BRDT: variants seen among roughly 807,000 people sequenced by gnomAD.
The protein encoded by BRDT is bromodomain testis-specific protein.
Under a neutral mutation model 113.9 loss-of-function variants are expected in BRDT, and 77 were observed. The ratio of observed to expected loss-of-function variants is 0.68; its 90% CI spans 0.56 to 0.82. BRDT has a LOEUF of 0.82. Among genes scored for constraint, BRDT ranks in the 40% least tolerant of loss-of-function variants. The probability of loss-of-function intolerance (pLI) is 0.00; values close to 1 mark genes in which losing one functional copy is unlikely to be tolerated. For synonymous variants in BRDT, 358 were observed against 366.5 expected (o/e 0.98, Z 0.26); for missense variants, 1,027 against 1,105.4 (o/e 0.93, Z 1.01).
chr1:91,984,639 A>T lies in BRDT; in HGVS notation c.2002+2884A>T, dbSNP rs1024511539. The stretch of plus-strand genomic sequence containing the variant: ...AAATATAAATATGAAAAAATAATTA[A>T]AAAAAATTTTTTTTGAGACAGGGTC... On this transcript the variant is annotated intron_variant, in intron 12 of 18. Transcript: ENST00000399546. Among the ~76,000 whole-genome samples, 70 of 152,246 alleles carry T rather than the reference A, an allele frequency of 4.6e-4. 1 individual carries two copies. The highest frequency in any genetic ancestry group is 1.4e-3 in the Admixed American group (22 of 15,296).
At position 91,976,533 on chromosome 1, in the gene BRDT, T is replaced by C. The variant is rs1684158483; in HGVS notation, c.618+95T>C. 2.2e-5 allele frequency: 27 copies of C among 1,217,170 alleles called. 1 individual carries two copies. The South Asian group carries it at 4.6e-4, about 21-fold the overall frequency. The allele number at this position is 1,217,170 out of a possible 1,614,324, so 75.4% of individuals were successfully genotyped here. On this transcript the variant is annotated intron_variant, in intron 5 of 18. Transcript: ENST00000399546. ...TTAGTCTTCAGCGTCTAGCAATTTTTCTTTTTTAATTCATTTAGCATCTAG... is the reference window on the plus strand; with the variant it reads ...TTAGTCTTCAGCGTCTAGCAATTTTCCTTTTTTAATTCATTTAGCATCTAG...
At chr1:91,999,849 A>G (rs1470330710) in intron 15 of BRDT, among the ~76,000 whole-genome samples, 1 of 152,202 alleles carries the variant, frequency 6.6e-6, no homozygotes, top group Admixed American at 6.5e-5. Context: ...ACAGCCATGT[A>G]AAAACTGAAT....
intron 7 of BRDT, 82 bp downstream of exon 7, chr1:91,978,378 A>G (rs1054479132): frequency 3.3e-6 from 5 of 1,506,910 alleles, no homozygotes; most frequent in Non-Finnish European, 4.5e-6. Context: ...GTAAGAGATA[A>G]AGAATAATAA....
At chr1:91,972,411 C>T (rs1683715405) in intron 4 of BRDT, among the ~76,000 whole-genome samples, 1 of 152,134 alleles carries the variant, frequency 6.6e-6, no homozygotes, top group Admixed American at 6.6e-5. Flanking sequence ...TATTTCCTTC[C>T]TAACACTTAG....
At position 91,951,280 on chromosome 1, in the gene BRDT, A is replaced by G. The variant is rs573643703; in HGVS notation, c.-38+1598A>G. 7.2e-5 allele frequency among the ~76,000 whole-genome samples: 11 copies of G among 152,326 alleles called. No homozygotes were observed. The East Asian group carries it at 7.7e-4, about 11-fold the overall frequency. On this transcript the variant is annotated intron_variant, in intron 1 of 18. Coordinates refer to ENST00000399546, the MANE Select transcript of BRDT (RefSeq NM_207189.4). ...CATGAAGGACAGTGAGTTGAACTGT[A>G]TGATCTTAAGCAACACCATTGCATA...
intron 18 of BRDT, among the ~76,000 whole-genome samples, chr1:92,013,925 C>T (rs1472416102): frequency 6.6e-6 from 1 of 152,104 alleles, no homozygotes; most frequent in Non-Finnish European, 1.5e-5. Flanking sequence ...ATTGAACTTT[C>T]TCTTTTACTT....
At chr1:91,988,912 C>T (rs563828883) in intron 12 of BRDT, among the ~76,000 whole-genome samples, 180 of 152,254 alleles carry the variant, frequency 1.2e-3, no homozygotes, top group African/African-American at 4.3e-3. Flanking sequence ...AATGCTGAGA[C>T]TTTTATGAGA....
intron 12 of BRDT, among the ~76,000 whole-genome samples, chr1:91,985,739 C>G (rs867377750): frequency 1.4e-5 from 2 of 148,056 alleles, no homozygotes; most frequent in Middle Eastern, 3.5e-3. Context: ...CCCGGGTTCA[C>G]GTTATTCTCC....
intron 12 of BRDT, among the ~76,000 whole-genome samples, chr1:91,984,267 C>G (rs1034727585): frequency 3.3e-5 from 5 of 152,032 alleles, no homozygotes; most frequent in Admixed American, 1.3e-4. Context: ...ATTTCAGTTG[C>G]AGCTGTTATT....
At chr1:92,004,704 T>C in intron 17 of BRDT, 85 bp downstream of exon 17, 3 of 1,240,076 alleles carry the variant, frequency 2.4e-6, no homozygotes, top group Admixed American at 2.9e-5. Context: ...GTTAAGTGAC[T>C]ATGATTCAAC....
chr1:91,981,981 GA>G (rs1186993025), intron 12 of BRDT, among the ~76,000 whole-genome samples: 7 of 151,944 alleles, frequency 4.6e-5, no homozygotes, highest in Non-Finnish European at 8.8e-5. Flanking sequence ...GTGTAATGCT[GA>G]AAAAAAGTTT....
intron 1 of BRDT, among the ~76,000 whole-genome samples, chr1:91,955,985 CA>C (rs767926093): frequency 6.6e-6 from 1 of 152,058 alleles, no homozygotes; most frequent in Non-Finnish European, 1.5e-5. Context: ...TAAAATAGTA[CA>C]AAAAAACTAT....
chr1:91,985,712 T>C lies in BRDT; in HGVS notation c.2002+3957T>C, dbSNP rs371012867. 4.9e-4 allele frequency among the ~76,000 whole-genome samples: 73 copies of C among 148,226 alleles called. 3 individuals carry two copies. In the South Asian group the frequency reaches 0.013, roughly 27 times the overall value. ...GGAGTGCAGTGGCGCCGTCTGGGCT[T>C]ACTGCAAGCTCCGCCTCCCGGGTTC... On this transcript the variant is annotated intron_variant, in intron 12 of 18. Transcript: ENST00000399546.
Position 91,976,409 on chromosome 1 carries a change from G to A in BRDT, c.589G>A (p.Val197Ile). The change falls in exon 5 of 19, where the codon GTC becomes ATC. Residue 197 changes from valine to isoleucine, a missense_variant. Transcript: ENST00000399546. ...SPLNVVQGAS[V>I]NSSSQTAAQV... ...CTTGAACGTGGTACAGGGAGCTTCA[G>A]TCAACTCCAGTTCACAAACTGCGGC... 1 of 1,593,936 alleles carries A rather than the reference G, an allele frequency of 6.3e-7. No homozygotes were observed. Among genetic ancestry groups the A allele is most frequent in the African/African-American group, 1.4e-5 (1 of 73,584 alleles).
At chr1:92,003,407 C>T (rs1413337860) in intron 16 of BRDT, among the ~76,000 whole-genome samples, 1 of 152,120 alleles carries the variant, frequency 6.6e-6, no homozygotes, top group Admixed American at 6.6e-5. Context: ...TTGCACAGCC[C>T]TCTTTCCGTA....
intron 1 of BRDT, among the ~76,000 whole-genome samples, chr1:91,959,619 T>C (rs1682203191): frequency 6.6e-6 from 1 of 151,964 alleles, no homozygotes; most frequent in Non-Finnish European, 1.5e-5. Context: ...TAGCTGGGAC[T>C]ACAGATGTGC....
At position 91,972,912 on chromosome 1, in the gene BRDT, G is replaced by A. The variant is rs185243936; in HGVS notation, c.446-3354G>A. ...TTTGTTTTGCAAGAATTGAAGAGCC[G>A]GAAATAGCTATATGTTGTATATCAA... On this transcript the variant is annotated intron_variant, in intron 4 of 18. Transcript: ENST00000399546. Among the ~76,000 whole-genome samples, 17 of 152,166 alleles carry A rather than the reference G, an allele frequency of 1.1e-4. No individual in the cohort carries two copies. The East Asian group carries it at 1.9e-3, about 17-fold the overall frequency.
Position 91,964,688 on chromosome 1 carries a change from A to G in BRDT, c.254A>G (p.Asn85Ser). Residue 85 changes from asparagine to serine, a missense_variant, in exon 3 of 19, where the codon AAT becomes AGT. Physicochemically the swap from Asn to Ser is conservative, Grantham distance 46. Coordinates refer to ENST00000399546, the MANE Select transcript of BRDT (RefSeq NM_207189.4). ...DLNTIKKRLE[N>S]KYYAKASECI... is the part of the protein sequence containing the mutation. ...AATACAATTAAGAAGCGCTTGGAGAATAAATATTATGCGAAGGCTTCAGAA... is the reference window on the plus strand; with the variant it reads ...AATACAATTAAGAAGCGCTTGGAGAGTAAATATTATGCGAAGGCTTCAGAA... 1 of 1,519,908 alleles carries G rather than the reference A, an allele frequency of 6.6e-7. No individual in the cohort carries two copies. The highest frequency in any genetic ancestry group is 9.0e-7 in the Non-Finnish European group (1 of 1,109,072). The allele number at this position is 1,519,908 out of a possible 1,614,324, so 94.2% of individuals were successfully genotyped here. A position where few individuals can be genotyped will look rare whatever the true frequency, so the allele number is the denominator to read the frequency against.
chr1:91,993,309 G>A (rs146036834), intron 14 of BRDT, among the ~76,000 whole-genome samples: 21 of 152,274 alleles, frequency 1.4e-4, no homozygotes, highest in African/African-American at 4.1e-4. Context: ...ATTTATCTCT[G>A]TACCATCTAC....
Sources: gnomAD v4.1 joint callset for allele counts (sites outside exome capture counted in the v4.1 genomes callset) on GRCh38, gnomAD v4.1.1 for gene constraint, MANE v1.5 for transcripts, NCBI Gene and HGNC (gene_info 2026-07-23, HGNC 2026-07-21) for gene names.